Variants in TAPT1 observed in about 807,000 individuals in gnomAD.
TAPT1 encodes transmembrane anterior posterior transformation protein 1 homolog.
A neutral mutation model predicts 65.6 loss-of-function variants in TAPT1; 28 were observed. The observed-to-expected ratio is 0.43, with a 90% CI of 0.32 to 0.59. The LOEUF is 0.59. TAPT1 is among the 20% of genes least tolerant of loss of function. TAPT1 has a pLI of 0.09. For missense variants in TAPT1, 563 were observed against 679.9 expected (o/e 0.83, Z 1.91); for synonymous variants, 278 against 245.2 (o/e 1.13, Z -1.25).
chr4:16,177,612 C>A (rs900106490), intron 8 of TAPT1, among the ~76,000 whole-genome samples: 1 of 152,088 alleles, frequency 6.6e-6, no homozygotes, highest in Non-Finnish European at 1.5e-5. Flanking sequence ...ACATCACTAG[C>A]AAAGGGCAAG....
chr4:16,226,451 C>G lies in TAPT1; in HGVS notation c.7G>C (p.Gly3Arg). ...CCCGGAGCGGCCGCGTCGCCGACGC[C>G]CGCCATGTTCCGAGCACAACAAACT... is the stretch of plus-strand genomic sequence containing the variant. Reference protein sequence around the residue: MAGVGDAAAPGEG... With the variant: MARVGDAAAPGEG... The change falls in exon 1 of 14, where the codon GGC becomes CGC. Residue 3 changes from glycine to arginine, a missense_variant. Coordinates refer to ENST00000405303, the MANE Select transcript of TAPT1 (RefSeq NM_153365.3). The G allele has an allele frequency of 1.9e-6, 2 of 1,065,652 alleles. No individual in the cohort carries two copies. 66.0% of individuals were successfully genotyped at this position (1,065,652 alleles called of 1,614,324 possible). A position where few individuals can be genotyped will look rare whatever the true frequency, so the allele number is the denominator to read the frequency against.
chr4:16,164,501 T>C (rs1188781971), intron 13 of TAPT1, among the ~76,000 whole-genome samples: 1 of 151,500 alleles, frequency 6.6e-6, no homozygotes, highest in Non-Finnish European at 1.5e-5. Flanking sequence ...ACATGACCCC[T>C]GAGTCAATGG....
intron 3 of TAPT1, among the ~76,000 whole-genome samples, chr4:16,198,051 C>G (rs2149699480): frequency 6.6e-6 from 1 of 152,220 alleles, no homozygotes; most frequent in South Asian, 2.1e-4. Flanking sequence ...TCATAATGAA[C>G]AGTACTTAAA....
rs916388061 is a variant in TAPT1, at chr4:16,217,266, G to T, written c.200-3368C>A. Among the ~76,000 whole-genome samples, 4 of 152,022 alleles carry T rather than the reference G, an allele frequency of 2.6e-5. 1 individual carries two copies. Among genetic ancestry groups the T allele is most frequent in the Admixed American group, 2.0e-4 (3 of 15,266 alleles). ...TTCTCATTCACCTTTGCATCACTGGGACCCAGCACATAACAGGTACTCAAC... is the reference window on the plus strand; with the variant it reads ...TTCTCATTCACCTTTGCATCACTGGTACCCAGCACATAACAGGTACTCAAC... On this transcript the variant is annotated intron_variant, in intron 1 of 13. Coordinates refer to ENST00000405303, the MANE Select transcript of TAPT1 (RefSeq NM_153365.3).
At chr4:16,185,218 C>T (rs1748936524) in intron 7 of TAPT1, among the ~76,000 whole-genome samples, 1 of 151,828 alleles carries the variant, frequency 6.6e-6, no homozygotes, top group Non-Finnish European at 1.5e-5. Context: ...ACTCTTCTCA[C>T]TAAATTTTGT....
intron 7 of TAPT1, among the ~76,000 whole-genome samples, chr4:16,181,825 C>A (rs963565726): frequency 6.6e-6 from 1 of 152,208 alleles, no homozygotes; most frequent in Admixed American, 6.5e-5. Flanking sequence ...ATCTTGGCCT[C>A]CCAAAGTGTT....
At chr4:16,174,467 C>T (rs1748201826) in intron 10 of TAPT1, 195 bp from the exon 11 acceptor site, 1 of 669,962 alleles carries the variant, frequency 1.5e-6, no homozygotes, top group Non-Finnish European at 2.5e-6. Context: ...ACTTAAAATG[C>T]TGCAAAGAGC....
Position 16,208,905 on chromosome 4 carries a change from C to A in TAPT1, c.330+4863G>T, listed in dbSNP as rs181162927. 8.5e-5 allele frequency among the ~76,000 whole-genome samples: 13 copies of A among 152,154 alleles called. No homozygotes were observed. In the East Asian group the frequency reaches 2.3e-3, roughly 27 times the overall value. On this transcript the variant is annotated intron_variant, in intron 2 of 13. Transcript: ENST00000405303. ...TTGAGATAGGGTCTCACTCTGTTGC[C>A]CAGGCTGGAGTACAGTTGCATGATC...
intron 12 of TAPT1, among the ~76,000 whole-genome samples, chr4:16,168,937 G>T (rs141887288): frequency 2.0e-4 from 31 of 152,270 alleles, no homozygotes; most frequent in African/African-American, 6.7e-4. Context: ...AGGAGAAACC[G>T]GGTGTGGTGG....
chr4:16,215,706 C>A (rs1175149172), intron 1 of TAPT1, among the ~76,000 whole-genome samples: 2 of 152,118 alleles, frequency 1.3e-5, no homozygotes, highest in Admixed American at 1.3e-4. Context: ...GTTAAGTGCA[C>A]GCAATATGTA....
chr4:16,196,551 T>C (rs1749715423), intron 3 of TAPT1: 2 of 455,980 alleles, frequency 4.4e-6, no homozygotes, highest in African/African-American at 2.0e-5. Flanking sequence ...TTTTCTTCAG[T>C]ATGTTTCTAC....
intron 2 of TAPT1, among the ~76,000 whole-genome samples, chr4:16,206,693 T>C (rs1750365397): frequency 2.6e-5 from 4 of 152,012 alleles, no homozygotes; most frequent in African/African-American, 9.7e-5. Flanking sequence ...GTGTGAATGA[T>C]CACAGCAGCC....
intron 4 of TAPT1, chr4:16,189,986 A>T (rs1749266671): frequency 6.6e-6 from 1 of 152,352 alleles, no homozygotes; most frequent in South Asian, 2.1e-4. Context: ...GAAGGAAGGG[A>T]GAACAAGATG....
At chr4:16,173,637 G>A (rs1472092072) in intron 11 of TAPT1, among the ~76,000 whole-genome samples, 2 of 152,148 alleles carry the variant, frequency 1.3e-5, no homozygotes, top group African/African-American at 4.8e-5. Context: ...AATTACCACT[G>A]ATAGAGAATA....
At chr4:16,166,226 G>T (rs575814779) in intron 13 of TAPT1, among the ~76,000 whole-genome samples, 21 of 152,198 alleles carry the variant, frequency 1.4e-4, no homozygotes, top group African/African-American at 1.9e-4. Flanking sequence ...CCTCACACTT[G>T]GGGGAGGGCC....
rs766333220 is a variant in TAPT1, at chr4:16,226,293, G to C, written c.165C>G (p.Ser55Arg). The change falls in exon 1 of 14, where the codon AGC becomes AGG. Residue 55 changes from serine to arginine, a missense_variant. Transcript: ENST00000405303. ...CCCGGCGCCTCTCCCGCCGCCGGTC[G>C]CTCTCGTAGAAGCCCAGCGTCTCTG... ...QLTETLGFYE[S>R]DRRRERRRGR... 5.8e-5 allele frequency: 65 copies of C among 1,128,392 alleles called. No individual in the cohort carries two copies. In the East Asian group the frequency reaches 2.0e-3, roughly 34 times the overall value. The allele number at this position is 1,128,392 out of a possible 1,614,324, so 69.9% of individuals were successfully genotyped here.
intron 1 of TAPT1, among the ~76,000 whole-genome samples, chr4:16,222,571 C>T (rs147938207): frequency 1.3e-5 from 2 of 152,300 alleles, no homozygotes; most frequent in African/African-American, 2.4e-5. Flanking sequence ...TAAATGAAAA[C>T]ATATTTTAAT....
upstream of TAPT1, chr4:16,226,490 C>T: frequency 5.8e-6 from 6 of 1,041,994 alleles, no homozygotes; most frequent in South Asian, 4.4e-5. Context: ...CCCGCCGCCT[C>T]CCTCCAGCCT....
At position 16,176,424 on chromosome 4, in the gene TAPT1, T is replaced by C. The variant is rs552766250; in HGVS notation, c.998-196A>G. The stretch of plus-strand genomic sequence containing the variant: ...AAAGGATACTTCATTCAACAAACGT[T>C]TACTCAGGCCCGGCGCAGTGGCTCA... On this transcript the variant is annotated intron_variant, in intron 8 of 13. Coordinates refer to ENST00000405303, the MANE Select transcript of TAPT1 (RefSeq NM_153365.3). 1.1e-3 allele frequency: 437 copies of C among 385,242 alleles called. 1 individual carries two copies. The highest frequency in any genetic ancestry group is 1.7e-3 in the Non-Finnish European group (367 of 217,924). 23.9% of individuals were successfully genotyped at this position (385,242 alleles called of 1,614,324 possible). A position where few individuals can be genotyped will look rare whatever the true frequency, so the allele number is the denominator to read the frequency against.
Sources: allele counts gnomAD v4.1 joint callset (sites outside exome capture counted in the v4.1 genomes callset), GRCh38; gene constraint gnomAD v4.1.1; transcripts MANE v1.5; gene names NCBI Gene and HGNC (gene_info 2026-07-23, HGNC 2026-07-21).